KCNJ6: variants seen among roughly 807,000 people sequenced by gnomAD.
KCNJ6 encodes the protein potassium inwardly rectifying channel subfamily J member 6.
KCNJ6 carries 9 observed loss-of-function variants against 34.2 expected under a neutral mutation model. The observed-to-expected ratio is 0.26, with a 90% CI of 0.16 to 0.46. KCNJ6 has a LOEUF of 0.46. KCNJ6 is among the 20% of genes least tolerant of loss of function. KCNJ6 has a pLI of 1.00. For synonymous variants in KCNJ6, 196 were observed against 207.1 expected (o/e 0.95, Z 0.46); for missense variants, 236 against 531.3 (o/e 0.44, Z 5.46).
At chr21:37,903,368 A>G (rs184549939) in intron 1 of KCNJ6, among the ~76,000 whole-genome samples, 2 of 152,306 alleles carry the variant, frequency 1.3e-5, no homozygotes, top group East Asian at 3.9e-4. Flanking sequence ...CTCTTCTTTC[A>G]TCTTCCACCA....
At chr21:37,746,515 C>A (rs1408342003) in intron 2 of KCNJ6, among the ~76,000 whole-genome samples, 1 of 152,072 alleles carries the variant, frequency 6.6e-6, no homozygotes, top group African/African-American at 2.4e-5. Context: ...GAACAAATGT[C>A]GTTTTTATCA....
rs2054271423 is a variant in KCNJ6, at chr21:37,617,025, TTTC to T, written c.*8131_*8133del. The T allele has an allele frequency of 5.8e-5, 1 of 17,362 alleles. No individual in the cohort carries two copies. Among genetic ancestry groups the T allele is most frequent in the East Asian group, 1.8e-3 (1 of 550 alleles). 1.1% of individuals were successfully genotyped at this position (17,362 alleles called of 1,614,324 possible). On this transcript the variant is annotated 3_prime_UTR_variant, in exon 4 of 4. Coordinates refer to ENST00000609713, the MANE Select transcript of KCNJ6 (RefSeq NM_002240.5). ...TCTTTCTTTTCTCTTTCTTTCTTTC[TTTC>T]TTTCTTTCTTTCTTTCTTTCTTTCT...
rs972011176 is a variant in KCNJ6 at position 37,745,804 on chromosome 21, C to T, written c.26-30673G>A. Among the ~76,000 whole-genome samples the T allele has an allele frequency of 1.5e-4, 23 of 152,312 alleles. 1 individual carries two copies. Among genetic ancestry groups the T allele is most frequent in the Middle Eastern group, 6.8e-3 (2 of 294 alleles). On this transcript the variant is annotated intron_variant, in intron 2 of 3. Coordinates refer to ENST00000609713, the MANE Select transcript of KCNJ6 (RefSeq NM_002240.5). ...CAGCCCCTGCCCTCAAGTCTCACAG[C>T]CTTGAAGAAAACACAGGAGCACACA...
At chr21:37,863,583 A>G (rs1178044786) in intron 1 of KCNJ6, among the ~76,000 whole-genome samples, 1 of 152,200 alleles carries the variant, frequency 6.6e-6, no homozygotes, top group African/African-American at 2.4e-5. Context: ...GATATCTACA[A>G]TCGTTTTTGT....
chr21:37,855,304 T>C (rs576230266), intron 1 of KCNJ6, among the ~76,000 whole-genome samples: 1 of 152,308 alleles, frequency 6.6e-6, no homozygotes, highest in Non-Finnish European at 1.5e-5. Flanking sequence ...TGGAGTACGA[T>C]GTGGTTTTCA....
At chr21:37,849,649 T>A (rs941326541) in intron 1 of KCNJ6, among the ~76,000 whole-genome samples, 3 of 152,122 alleles carry the variant, frequency 2.0e-5, no homozygotes, top group Non-Finnish European at 4.4e-5. Flanking sequence ...TACACTATGC[T>A]CCTGCCCGAC....
chr21:37,752,263 A>G (rs969708530), intron 2 of KCNJ6, among the ~76,000 whole-genome samples: 1 of 152,156 alleles, frequency 6.6e-6, no homozygotes, highest in Non-Finnish European at 1.5e-5. Context: ...ATTCAGCCCC[A>G]GTGGCCCTGC....
chr21:37,663,607 T>C (rs1178840792), intron 3 of KCNJ6, among the ~76,000 whole-genome samples: 1 of 152,122 alleles, frequency 6.6e-6, no homozygotes, highest in Non-Finnish European at 1.5e-5. Flanking sequence ...TATACTAATA[T>C]GGGACAACAT....
chr21:37,799,311 T>C (rs1384119900), intron 2 of KCNJ6, among the ~76,000 whole-genome samples: 1 of 152,190 alleles, frequency 6.6e-6, no homozygotes, highest in Non-Finnish European at 1.5e-5. Context: ...GGAAATGCCT[T>C]AGCCAGTCAC....
Position 37,623,151 on chromosome 21 carries a change from G to C in KCNJ6, c.*2008C>G, listed in dbSNP as rs936964449. 6.6e-6 allele frequency: 1 copy of C among 152,246 alleles called. No homozygotes were observed. Among genetic ancestry groups the C allele is most frequent in the Non-Finnish European group, 1.5e-5 (1 of 68,042 alleles). The allele number at this position is 152,246 out of a possible 1,614,324, so 9.4% of individuals were successfully genotyped here. A position where few individuals can be genotyped will look rare whatever the true frequency, so the allele number is the denominator to read the frequency against. On this transcript the variant is annotated 3_prime_UTR_variant, in exon 4 of 4. Coordinates refer to ENST00000609713, the MANE Select transcript of KCNJ6 (RefSeq NM_002240.5). ...GGAAAGGGCTATAGCCAACAGTTTT[G>C]TTTTCCTTAAAGTCAGTGCCAAGAG...
chr21:37,626,815 AG>A (rs1291608668), intron 3 of KCNJ6, among the ~76,000 whole-genome samples: 1 of 152,224 alleles, frequency 6.6e-6, no homozygotes, highest in African/African-American at 2.4e-5. Flanking sequence ...AATCAGAAAA[AG>A]ATAAACTTTT....
chr21:37,847,231 T>A (rs1294129058), intron 1 of KCNJ6, among the ~76,000 whole-genome samples: 1 of 152,242 alleles, frequency 6.6e-6, no homozygotes, highest in Non-Finnish European at 1.5e-5. Flanking sequence ...ATTAGTACAT[T>A]AGACTATCTC....
intron 2 of KCNJ6, among the ~76,000 whole-genome samples, chr21:37,793,668 C>A (rs1210264325): frequency 6.6e-6 from 1 of 150,612 alleles, no homozygotes; most frequent in Admixed American, 6.6e-5. Flanking sequence ...TGGCAAGAAT[C>A]ATGCAAGAGT....
At chr21:37,833,721 A>G (rs2055438257) in intron 2 of KCNJ6, among the ~76,000 whole-genome samples, 1 of 152,224 alleles carries the variant, frequency 6.6e-6, no homozygotes, top group Non-Finnish European at 1.5e-5. Flanking sequence ...TTATTGCAAC[A>G]TAACTTAGCC....
chr21:37,734,739 G>C (rs1400117282), intron 2 of KCNJ6, among the ~76,000 whole-genome samples: 3 of 152,208 alleles, frequency 2.0e-5, no homozygotes, highest in South Asian at 4.2e-4. Flanking sequence ...GGAAATAAAG[G>C]GATGCAGGTT....
chr21:37,904,961 T>G (rs559573314), intron 1 of KCNJ6, among the ~76,000 whole-genome samples: 11 of 152,366 alleles, frequency 7.2e-5, no homozygotes, highest in African/African-American at 2.6e-4. Context: ...CCTATCTGGC[T>G]GCTGCAGCAG....
chr21:37,847,415 G>A (rs1156612302), intron 1 of KCNJ6, among the ~76,000 whole-genome samples: 4 of 69,684 alleles, frequency 5.7e-5, no homozygotes, highest in Admixed American at 3.0e-4. Context: ...TCTCAGCCAC[G>A]GTGCCACCTG....
In KCNJ6 at chr21:37,692,132, C is replaced by T. The variant is rs115468444; in HGVS notation, c.946+22079G>A. Among the ~76,000 whole-genome samples the T allele has an allele frequency of 6.7e-3, 1,023 of 152,054 alleles. 14 individuals carry two copies. The highest frequency in any genetic ancestry group is 0.024 in the African/African-American group (985 of 41,440). ...AACCTAGATGACAGGTTGATGGGCG[C>T]AACAAACCACCATGGCACATGTATA... On this transcript the variant is annotated intron_variant, in intron 3 of 3. Transcript: ENST00000609713.
chr21:37,692,159 C>G (rs2054642826), intron 3 of KCNJ6, among the ~76,000 whole-genome samples: 2 of 152,028 alleles, frequency 1.3e-5, no homozygotes, highest in Non-Finnish European at 2.9e-5. Context: ...ACATGTATAC[C>G]TATGTAACAA....
Sources: gnomAD v4.1 joint callset for allele counts (sites outside exome capture counted in the v4.1 genomes callset) on GRCh38, gnomAD v4.1.1 for gene constraint, MANE v1.5 for transcripts, NCBI Gene and HGNC (gene_info 2026-07-23, HGNC 2026-07-21) for gene names.